The following CADPS variants were observed in gnomAD, a reference collection of about 807,000 sequenced individuals.
The protein encoded by CADPS is calcium-dependent secretion activator 1.
CADPS carries 57 observed loss-of-function variants against 167.3 expected under a neutral mutation model. The ratio of observed to expected loss-of-function variants is 0.34; its 90% CI spans 0.28 to 0.42. The LOEUF is 0.42. Among genes scored for constraint, CADPS ranks in the 20% least tolerant of loss-of-function variants. The probability of loss-of-function intolerance (pLI) is 1.00; values close to 1 mark genes in which losing one functional copy is unlikely to be tolerated. For missense variants in CADPS, 1,414 were observed against 1,738.1 expected (o/e 0.81, Z 3.32); for synonymous variants, 676 against 635.3 (o/e 1.06, Z -0.96).
chr3:62,770,338 A>C (rs543538888), intron 1 of CADPS, among the ~76,000 whole-genome samples: 1 of 152,358 alleles, frequency 6.6e-6, no homozygotes, highest in East Asian at 1.9e-4. Flanking sequence ...GTTAGCCCTT[A>C]TCTTCTCTAA....
At chr3:62,533,393 G>A (rs987588344) in intron 12 of CADPS, among the ~76,000 whole-genome samples, 7 of 152,126 alleles carry the variant, frequency 4.6e-5, no homozygotes, top group African/African-American at 1.4e-4. Flanking sequence ...AACCATACAC[G>A]TTAAAGGAGT....
At chr3:62,578,136 G>A (rs543052850) in intron 8 of CADPS, among the ~76,000 whole-genome samples, 4 of 142,950 alleles carry the variant, frequency 2.8e-5, no homozygotes, top group South Asian at 2.2e-4. Context: ...TTAAAGACAC[G>A]AATAGGTTAA....
chr3:62,583,335 G>C (rs1578218882), intron 8 of CADPS, among the ~76,000 whole-genome samples: 1 of 152,138 alleles, frequency 6.6e-6, no homozygotes, highest in Admixed American at 6.6e-5. Flanking sequence ...TGTCTTGAAA[G>C]TAGGATGTTC....
rs1352838900 is a variant in CADPS, at chr3:62,420,876, ACACACACACACACACACACACACACAGG to A, written c.3777+17200_3777+17227del. 3.8e-5 allele frequency among the ~76,000 whole-genome samples: 5 copies of A among 130,960 alleles called. No individual in the cohort carries two copies. Among genetic ancestry groups the A allele is most frequent in the Non-Finnish European group, 8.0e-5 (5 of 62,602 alleles). 85.9% of individuals were successfully genotyped at this position (130,960 alleles called of 152,430 possible). Reference sequence around the variant, plus strand: ...AGGGAGAACGAACACACACACACACACACACACACACACACACACACACACAGGCACACACACACACACTTGCCAGATC... The same window carrying A: ...AGGGAGAACGAACACACACACACACACACACACACACACACTTGCCAGATC... On this transcript the variant is annotated intron_variant, in intron 28 of 29. Coordinates refer to ENST00000383710, the MANE Select transcript of CADPS (RefSeq NM_003716.4). The surrounding 1 kb of genome is among the most constrained non-coding windows in gnomAD (Gnocchi z 4.1).
At chr3:62,868,773 C>T (rs919431838) in intron 1 of CADPS, among the ~76,000 whole-genome samples, 2 of 152,070 alleles carry the variant, frequency 1.3e-5, no homozygotes, top group Admixed American at 6.6e-5. Context: ...TAAAAACATA[C>T]CAAATACAAC....
intron 3 of CADPS, among the ~76,000 whole-genome samples, chr3:62,696,330 C>T (rs1051235077): frequency 6.6e-6 from 1 of 152,130 alleles, no homozygotes; most frequent in Admixed American, 6.5e-5. Context: ...AAACCCCCTG[C>T]CACTGGCAGC....
intron 6 of CADPS, among the ~76,000 whole-genome samples, chr3:62,622,843 C>T (rs2063403855): frequency 6.6e-6 from 1 of 152,280 alleles, no homozygotes; most frequent in South Asian, 2.1e-4. Flanking sequence ...TAAAATTCAG[C>T]CACAGCGCAT....
At chr3:62,819,169 G>A (rs1466613802) in intron 1 of CADPS, among the ~76,000 whole-genome samples, 1 of 152,008 alleles carries the variant, frequency 6.6e-6, no homozygotes, top group Non-Finnish European at 1.5e-5. Flanking sequence ...CTGTTTGTTT[G>A]AATGGATGTA....
chr3:62,610,763 C>T (rs2061395707), intron 6 of CADPS, among the ~76,000 whole-genome samples: 1 of 152,082 alleles, frequency 6.6e-6, no homozygotes, highest in Admixed American at 6.6e-5. Flanking sequence ...CCCTGTCTCA[C>T]TAGCCAGGCC....
intron 28 of CADPS, among the ~76,000 whole-genome samples, chr3:62,434,519 C>T (rs1378671017): frequency 6.6e-6 from 1 of 152,080 alleles, no homozygotes; most frequent in African/African-American, 2.4e-5. Flanking sequence ...CTCCAATAAA[C>T]CTAGAGAATG....
At chr3:62,692,725 G>C (rs890914795) in intron 3 of CADPS, among the ~76,000 whole-genome samples, 2 of 152,010 alleles carry the variant, frequency 1.3e-5, no homozygotes, top group Non-Finnish European at 2.9e-5. Context: ...CTGCTTTGAT[G>C]CTTCACTCCT....
chr3:62,593,031 T>A (rs762260627), intron 6 of CADPS, among the ~76,000 whole-genome samples: 4 of 152,228 alleles, frequency 2.6e-5, no homozygotes, highest in Non-Finnish European at 5.9e-5. Context: ...CTTGTTCCCA[T>A]GCATTTGCTG....
At chr3:62,475,604 A>AC (rs1228125655) in intron 23 of CADPS, among the ~76,000 whole-genome samples, 34 of 149,426 alleles carry the variant, frequency 2.3e-4, no homozygotes, top group Non-Finnish European at 4.3e-4. Flanking sequence ...AAAAAAAAAA[A>AC]AAAAAAAACA....
Position 62,710,659 on chromosome 3 carries a change from G to A in CADPS, c.888+42782C>T, listed in dbSNP as rs191201253. Among the ~76,000 whole-genome samples, 683 of 151,886 alleles carry A rather than the reference G, an allele frequency of 4.5e-3. 5 individuals carry two copies. The highest frequency in any genetic ancestry group is 0.015 in the African/African-American group (625 of 41,396). On this transcript the variant is annotated intron_variant, in intron 3 of 29. Coordinates refer to ENST00000383710, the MANE Select transcript of CADPS (RefSeq NM_003716.4). ...TTTTAAAAACTCCCCAGGTGATTCT[G>A]ATGCACAGCTAGGGCTCCGAGTCAC... is the stretch of plus-strand genomic sequence containing the variant.
intron 1 of CADPS, among the ~76,000 whole-genome samples, chr3:62,802,223 T>C (rs1434540826): frequency 1.3e-5 from 2 of 152,156 alleles, no homozygotes; most frequent in East Asian, 3.9e-4. Flanking sequence ...AAGACACACA[T>C]GCACACATGT....
intron 11 of CADPS, among the ~76,000 whole-genome samples, chr3:62,537,538 A>C (rs1476330674): frequency 6.6e-6 from 1 of 152,218 alleles, no homozygotes; most frequent in African/African-American, 2.4e-5. Context: ...CTCTCCTGAT[A>C]CGCAGACTTT....
In CADPS at chr3:62,514,354, A is replaced by G. The variant is rs550718087; in HGVS notation, c.2582-1586T>C. On this transcript the variant is annotated intron_variant, in intron 16 of 29. Coordinates refer to ENST00000383710, the MANE Select transcript of CADPS (RefSeq NM_003716.4). The surrounding 1 kb of genome is among the most constrained non-coding windows in gnomAD (Gnocchi z 4.2). The stretch of plus-strand genomic sequence containing the variant: ...CAGCATGCTTTGAAATTGGTGTCTC[A>G]GCCACTTTTGCAGAGGTCACATTAA... Among the ~76,000 whole-genome samples, 3 of 152,176 alleles carry G rather than the reference A, an allele frequency of 2.0e-5. No homozygotes were observed. The East Asian group carries it at 5.8e-4, about 30-fold the overall frequency.
At chr3:62,679,729 C>T (rs1200420335) in intron 3 of CADPS, among the ~76,000 whole-genome samples, 3 of 152,002 alleles carry the variant, frequency 2.0e-5, no homozygotes, top group Admixed American at 6.6e-5. Flanking sequence ...AAAAGCTAGT[C>T]ACAGAAGAGG....
chr3:62,677,646 C>T (rs777272952), intron 3 of CADPS, among the ~76,000 whole-genome samples: 13 of 152,086 alleles, frequency 8.5e-5, no homozygotes, highest in Non-Finnish European at 1.2e-4. Flanking sequence ...GCTGTAAATG[C>T]TGATCTCAGG....
Sources: allele counts gnomAD v4.1 joint callset (sites outside exome capture counted in the v4.1 genomes callset), GRCh38; gene constraint gnomAD v4.1.1; non-coding constraint Gnocchi (gnomAD v3.1); transcripts MANE v1.5; gene names NCBI Gene and HGNC (gene_info 2026-07-23, HGNC 2026-07-21).